The following PHF21B variants were observed in gnomAD, a reference collection of about 807,000 sequenced individuals.
The protein encoded by PHF21B is PHD finger protein 21B.
PHF21B carries 22 observed loss-of-function variants against 62.2 expected under a neutral mutation model. The ratio of observed to expected loss-of-function variants is 0.35; its 90% CI spans 0.25 to 0.51. PHF21B has a LOEUF of 0.51. PHF21B is among the 20% of genes least tolerant of loss of function. The pLI, the probability that PHF21B is intolerant of heterozygous loss-of-function variation, is 0.97. For missense variants in PHF21B, 701 were observed against 707.9 expected (o/e 0.99, Z 0.11); for synonymous variants, 341 against 314.7 (o/e 1.08, Z -0.88).
intron 3 of PHF21B, 69 bp downstream of exon 3, chr22:44,920,329 A>C: frequency 7.5e-7 from 1 of 1,332,310 alleles, no homozygotes; most frequent in Admixed American, 2.3e-5. Flanking sequence ...CTCAGTGCTG[A>C]GGGGTTAGGA....
intron 2 of PHF21B, among the ~76,000 whole-genome samples, chr22:44,946,840 C>A (rs1189274724): frequency 6.6e-6 from 1 of 152,148 alleles, no homozygotes; most frequent in Non-Finnish European, 1.5e-5. Context: ...GGCTGGGGAA[C>A]CTTTGGTGAC....
intron 2 of PHF21B, among the ~76,000 whole-genome samples, chr22:44,922,459 C>A (rs1324138013): frequency 6.6e-6 from 1 of 152,020 alleles, no homozygotes; most frequent in Non-Finnish European, 1.5e-5. Flanking sequence ...ATGGAGAAAC[C>A]CCATCTCTAC....
intron 2 of PHF21B, among the ~76,000 whole-genome samples, chr22:44,931,774 G>A (rs775010959): frequency 1.5e-4 from 23 of 152,124 alleles, no homozygotes; most frequent in South Asian, 4.2e-4. Flanking sequence ...GAGGGTGTCC[G>A]TGAGACCAGC....
intron 6 of PHF21B, 41 bp downstream of exon 6, chr22:44,895,991 C>A (rs2071050310): frequency 6.2e-7 from 1 of 1,611,962 alleles, no homozygotes; most frequent in Non-Finnish European, 8.5e-7. Context: ...GCTTTCGGGT[C>A]AGTCCCAGCC....
intron 2 of PHF21B, among the ~76,000 whole-genome samples, chr22:44,946,353 A>G (rs2072071089): frequency 6.6e-6 from 1 of 152,116 alleles, no homozygotes; most frequent in South Asian, 2.1e-4. Flanking sequence ...CCCTCCCGAC[A>G]TGCCTACAAT....
intron 2 of PHF21B, among the ~76,000 whole-genome samples, chr22:44,934,485 T>C (rs1369899761): frequency 6.6e-6 from 1 of 150,876 alleles, no homozygotes; most frequent in Admixed American, 6.6e-5. Flanking sequence ...AGAGGGACAG[T>C]CTAGAGGTAT....
chr22:44,922,334 T>C (rs2071552673), intron 2 of PHF21B, among the ~76,000 whole-genome samples: 3 of 152,094 alleles, frequency 2.0e-5, no homozygotes, highest in Non-Finnish European at 4.4e-5. Flanking sequence ...TAGAACAATA[T>C]ATAAAAATCA....
At chr22:44,900,989 A>G (rs1425006042) in intron 5 of PHF21B, among the ~76,000 whole-genome samples, 1 of 152,260 alleles carries the variant, frequency 6.6e-6, no homozygotes, top group Non-Finnish European at 1.5e-5. Flanking sequence ...TTATATTTCA[A>G]AAAGTGAAGC....
chr22:44,916,581 C>A lies in PHF21B; in HGVS notation c.263G>T (p.Arg88Leu). 6.2e-7 allele frequency: 1 copy of A among 1,605,866 alleles called. No homozygotes were observed. Residue 88 changes from arginine to leucine, a missense_variant, in exon 4 of 13, where the codon CGG (arginine) becomes CTG (leucine). Transcript: ENST00000313237. The stretch of plus-strand genomic sequence containing the variant: ...TGGGGGCTGCTTGGGTGGCCGGTCC[C>A]GGCCCGGGGCAACGGGGAGGCTGTC... ...IPDSLPVAPG[R>L]DRPPKQPPTF...
At chr22:44,989,078 T>C (rs2073001279) in intron 2 of PHF21B, 1 of 152,298 alleles carries the variant, frequency 6.6e-6, no homozygotes, top group East Asian at 1.9e-4. Flanking sequence ...TTTCAAGGTA[T>C]GTACTTCAAG....
chr22:44,958,284 A>G (rs1312894120), intron 2 of PHF21B, among the ~76,000 whole-genome samples: 1 of 151,996 alleles, frequency 6.6e-6, no homozygotes, highest in Non-Finnish European at 1.5e-5. Context: ...CTCCCTACAC[A>G]GTGAGGGTCT....
At chr22:44,924,498 G>A (rs1219964393) in intron 2 of PHF21B, among the ~76,000 whole-genome samples, 1 of 152,226 alleles carries the variant, frequency 6.6e-6, no homozygotes, top group African/African-American at 2.4e-5. Flanking sequence ...ATCCGGTCAT[G>A]AGGGTGGAGC....
chr22:44,906,840 G>A (rs1486218992), intron 5 of PHF21B, among the ~76,000 whole-genome samples: 1 of 152,202 alleles, frequency 6.6e-6, no homozygotes, highest in East Asian at 1.9e-4. Flanking sequence ...GAGACTCAGT[G>A]GTGATCAGAG....
chr22:45,003,307 G>A (rs1294551669), intron 2 of PHF21B: 1 of 142,688 alleles, frequency 7.0e-6, no homozygotes, highest in African/African-American at 2.6e-5. Flanking sequence ...TTACAGTCTA[G>A]CACAGTAGCT....
intron 4 of PHF21B, among the ~76,000 whole-genome samples, chr22:44,916,010 G>GCC (rs1262042461): frequency 6.6e-6 from 1 of 152,128 alleles, no homozygotes; most frequent in Non-Finnish European, 1.5e-5. Context: ...CTTTTCCACT[G>GCC]GTATTAATTC....
chr22:45,009,484 C>G lies in PHF21B; in HGVS notation c.54+12G>C. 6.5e-7 allele frequency: 1 copy of G among 1,536,218 alleles called. No individual in the cohort carries two copies. The highest frequency in any genetic ancestry group is 8.7e-7 in the Non-Finnish European group (1 of 1,148,388). ...CACTCCCCGGCCCCGGGCCCGGCCC[C>G]CGGCCACCTACCTGGTGGCGCGCGA... is the stretch of plus-strand genomic sequence containing the variant. On this transcript the variant is annotated intron_variant, in intron 1 of 12. Coordinates refer to ENST00000313237, the MANE Select transcript of PHF21B (RefSeq NM_138415.5). This position sits in a 1 kb window ranked among gnomAD's most constrained non-coding sequence, Gnocchi z 5.9.
chr22:44,932,873 C>T (rs1158930399), intron 2 of PHF21B, among the ~76,000 whole-genome samples: 1 of 152,262 alleles, frequency 6.6e-6, no homozygotes, highest in East Asian at 1.9e-4. Context: ...GTGAATGGCA[C>T]AGAGCTTAGG....
At chr22:44,919,925 C>CG (rs1364362960) in intron 3 of PHF21B, among the ~76,000 whole-genome samples, 4 of 152,114 alleles carry the variant, frequency 2.6e-5, no homozygotes, top group East Asian at 1.9e-4. Context: ...GGAGTCCAGT[C>CG]GGGGGGGACC....
At chr22:44,949,549 A>G (rs1409255726) in intron 2 of PHF21B, among the ~76,000 whole-genome samples, 1 of 152,182 alleles carries the variant, frequency 6.6e-6, no homozygotes, top group Non-Finnish European at 1.5e-5. Flanking sequence ...TTTGTTGAGC[A>G]GGTTGAATAC....
Sources: gnomAD v4.1 joint callset for allele counts (sites outside exome capture counted in the v4.1 genomes callset) on GRCh38, gnomAD v4.1.1 for gene constraint, Gnocchi (gnomAD v3.1) non-coding constraint, MANE v1.5 for transcripts, NCBI Gene and HGNC (gene_info 2026-07-23, HGNC 2026-07-21) for gene names.